IDH3A: variants seen among roughly 807,000 people sequenced by gnomAD.
IDH3A encodes isocitrate dehydrogenase (NAD(+)) 3 catalytic subunit alpha, also known as isocitrate dehydrogenase [NAD] subunit alpha, mitochondrial.
In IDH3A, 23 loss-of-function variants were observed where a neutral mutation model predicts 43.3. The ratio of observed to expected loss-of-function variants is 0.53; its 90% confidence interval spans 0.38 to 0.75. The LOEUF is 0.75. IDH3A is among the 30% of genes least tolerant of loss of function. The probability of loss-of-function intolerance (pLI) is 0.00; values close to 1 mark genes in which losing one functional copy is unlikely to be tolerated. For missense variants in IDH3A, 329 were observed against 474.4 expected, an observed-to-expected ratio of 0.69 and a Z score of 2.85; for synonymous variants, 154 against 163.5, an observed-to-expected ratio of 0.94 and a Z score of 0.44.
At position 78,149,362 on chromosome 15, in the gene IDH3A, ACTGCCG is replaced by A; in HGVS notation, c.-37_-32del. The A allele has an allele frequency of 6.6e-7, 1 of 1,515,228 alleles. No homozygotes were observed. Among genetic ancestry groups the A allele is most frequent in the Non-Finnish European group, 8.8e-7 (1 of 1,138,354 alleles). The allele number at this position is 1,515,228 out of a possible 1,614,324, so 93.9% of individuals were successfully genotyped here. ...CCGAGCGTGGGGTGGGCGCTTGCGCACTGCCGCTGCGGCTGTTGCTGCGGAGCCAGG... is the reference window on the plus strand; with the variant it reads ...CCGAGCGTGGGGTGGGCGCTTGCGCACTGCGGCTGTTGCTGCGGAGCCAGG... On this transcript the variant is annotated 5_prime_UTR_variant, in exon 1 of 11. Transcript: ENST00000299518.
chr15:78,156,991 T>C lies in IDH3A; in HGVS notation c.91-557T>C, dbSNP rs1281562998. The C allele has an allele frequency of 1.1e-5, 15 of 1,340,078 alleles. No individual in the cohort carries two copies. In the Admixed American group the frequency reaches 3.0e-4, roughly 27 times the overall value. 83.0% of individuals were successfully genotyped at this position (1,340,078 alleles called of 1,614,324 possible). On this transcript the variant is annotated intron_variant, in intron 2 of 10. Coordinates refer to ENST00000299518, the MANE Select transcript of IDH3A (RefSeq NM_005530.3). The stretch of plus-strand genomic sequence containing the variant: ...GGAACTAAGAAAAAAATGGAAGCTC[T>C]CTTGATAAAAAGTCTGATTTTCCCT...
chr15:78,165,451 A>G (rs1489770626), intron 9 of IDH3A, among the ~76,000 whole-genome samples: 1 of 151,968 alleles, frequency 6.6e-6, no homozygotes, highest in Non-Finnish European at 1.5e-5. Flanking sequence ...TTGGCCTCCC[A>G]AAGTTGCTGG....
Position 78,160,097 on chromosome 15 carries a change from T to A in IDH3A, c.180T>A (p.Pro60=). 6.3e-7 allele frequency: 1 copy of A among 1,598,618 alleles called. No individual in the cohort carries two copies. The highest frequency in any genetic ancestry group is 8.6e-7 in the Non-Finnish European group (1 of 1,165,912). Residue 60 remains proline, a synonymous_variant, in exon 4 of 11, where the codon CCT becomes CCA. Coordinates refer to ENST00000299518, the MANE Select transcript of IDH3A (RefSeq NM_005530.3). ...VMKIFDAAKA[P]IQWEERNVTA... ...CTCTGTGATGTGGCATCTAGGCACC[T>A]ATTCAGTGGGAGGAGCGGAACGTCA...
In IDH3A at chr15:78,168,985, C is replaced by T. The variant is rs141316392; in HGVS notation, c.1081C>T (p.Arg361Ter). 2.5e-6 allele frequency: 4 copies of T among 1,597,602 alleles called. No individual in the cohort carries two copies. The highest frequency in any genetic ancestry group is 2.6e-6 in the Non-Finnish European group (3 of 1,166,310). The change falls in exon 11 of 11, where the codon CGA (arginine) becomes TGA (stop). Residue 361 changes from arginine (R) to a stop codon, truncating the protein, a stop_gained. Transcript: ENST00000299518. LOFTEE classifies it high-confidence loss of function. ...AGACTTCACAGAGGAAATCTGTCGC[C>T]GAGTAAAAGATTTAGATTAACACTT... Reference protein sequence around the residue: ...CSDFTEEICRRVKDLD With the variant: ...CSDFTEEICR
chr15:78,160,021 A>G, intron 3 of IDH3A, 71 bp from the exon 4 acceptor site: 1 of 920,354 alleles, frequency 1.1e-6, no homozygotes, highest in Non-Finnish European at 1.8e-6. Context: ...AAGTTTGTTC[A>G]TCATTGCAGT....
At chr15:78,155,704 C>G (rs1191165774) in intron 2 of IDH3A, 1 of 165,278 alleles carries the variant, frequency 6.1e-6, no homozygotes, top group Non-Finnish European at 1.3e-5. Context: ...AGGAATGCCT[C>G]GAACATCTAT....
chr15:78,168,592 G>A (rs749292276), intron 10 of IDH3A: 13 of 182,468 alleles, frequency 7.1e-5, no homozygotes, highest in Admixed American at 6.8e-4. Context: ...ATTTAGATTC[G>A]CTTTTATTTA....
At chr15:78,155,408 G>C in intron 2 of IDH3A, 133 bp downstream of exon 2, 1 of 579,356 alleles carries the variant, frequency 1.7e-6, no homozygotes. Flanking sequence ...TATAATGTAT[G>C]TTGAAATTAC....
At chr15:78,158,448 C>CATACATATATATATATATATATAT (rs1555429600) in intron 3 of IDH3A, among the ~76,000 whole-genome samples, 2 of 28,214 alleles carry the variant, frequency 7.1e-5, no homozygotes, top group African/African-American at 3.1e-4. Flanking sequence ...TACATACATA[C>CATACATATATATATATATATATAT]ATATATATAT....
intron 8 of IDH3A, 53 bp downstream of exon 8, chr15:78,163,833 C>T: frequency 1.8e-6 from 2 of 1,120,598 alleles, no homozygotes; most frequent in South Asian, 2.5e-5. Context: ...TTATAAACAT[C>T]CTAAAATAAT....
In IDH3A at chr15:78,157,547, G is replaced by A; in HGVS notation, c.91-1G>A. 1 of 1,605,342 alleles carries A rather than the reference G, an allele frequency of 6.2e-7. No individual in the cohort carries two copies. Among genetic ancestry groups the A allele is most frequent in the Non-Finnish European group, 8.5e-7 (1 of 1,174,236 alleles). ...CTTCTTTGATGATTTCTTATGTTCA[G>A]GTTCAGACAGTAACTTTAATTCCAG... is the stretch of plus-strand genomic sequence containing the variant. On this transcript the variant is annotated splice_acceptor_variant, in intron 2 of 10. Coordinates refer to ENST00000299518, the MANE Select transcript of IDH3A (RefSeq NM_005530.3). LOFTEE classifies it high-confidence loss of function.
chr15:78,154,377 G>A (rs990522704), intron 1 of IDH3A: 1 of 151,990 alleles, frequency 6.6e-6, no homozygotes, highest in Non-Finnish European at 1.5e-5. Flanking sequence ...GGCATCAGAT[G>A]GTATTAAATA....
chr15:78,171,810 C>T lies in IDH3A; in HGVS notation c.*2805C>T, dbSNP rs2074826516. On this transcript the variant is annotated 3_prime_UTR_variant, in exon 11 of 11. Transcript: ENST00000299518. ...TTATAAAAGATCAGTTTCTTTTATACACATAGGAAAGTAGTGTAAGCTACA... is the reference window on the plus strand; with the variant it reads ...TTATAAAAGATCAGTTTCTTTTATATACATAGGAAAGTAGTGTAAGCTACA... 7.7e-6 allele frequency: 2 copies of T among 259,354 alleles called. No individual in the cohort carries two copies. The highest frequency in any genetic ancestry group is 1.5e-5 in the Non-Finnish European group (2 of 135,336). 16.1% of individuals were successfully genotyped at this position (259,354 alleles called of 1,614,324 possible). A position where few individuals can be genotyped will look rare whatever the true frequency, so the allele number is the denominator to read the frequency against.
rs753002239 is a variant in IDH3A at position 78,155,257 on chromosome 15, C to T, written c.72C>T (p.Thr24=). The T allele has an allele frequency of 3.7e-6, 6 of 1,612,498 alleles. No homozygotes were observed. The highest frequency in any genetic ancestry group is 5.1e-6 in the Non-Finnish European group (6 of 1,178,760). The stretch of plus-strand genomic sequence containing the variant: ...CATTCCACAACCCAAAACAGGTGAC[C>T]AGAGGTTTTACTGGTGGTGTGAGTA... ...LGAFHNPKQV[T]RGFTGGVQTV... is the part of the protein sequence containing the mutation. The change falls in exon 2 of 11, where the codon ACC becomes ACT. Residue 24 remains threonine (T), a synonymous_variant. Transcript: ENST00000299518.
chr15:78,167,356 G>A (rs1240144984), intron 10 of IDH3A: 1 of 152,204 alleles, frequency 6.6e-6, no homozygotes, highest in Non-Finnish European at 1.5e-5. Context: ...TTAACACGCA[G>A]TCTGGGCCTT....
In IDH3A at chr15:78,161,659, A is replaced by T; in HGVS notation, c.368A>T (p.Asn123Ile). Residue 123 changes from asparagine to isoleucine, a missense_variant, in exon 5 of 11, where the codon AAT (asparagine) becomes ATT (isoleucine). Asn to Ile is a moderately radical substitution (Grantham distance 149). Transcript: ENST00000299518. This position sits in a 1 kb window ranked among gnomAD's most constrained non-coding sequence, Gnocchi z 4.8. ...LLRKTFDLYANVRPCVSIEGY... is the reference protein window; with the variant it reads ...LLRKTFDLYAIVRPCVSIEGY... ...CGCAAAACATTTGACCTTTACGCGA[A>T]TGTCCGACCATGTGTCTCTATCGAA... 1 of 1,614,210 alleles carries T rather than the reference A, an allele frequency of 6.2e-7. No homozygotes were observed. Among genetic ancestry groups the T allele is most frequent in the Non-Finnish European group, 8.5e-7 (1 of 1,180,022 alleles).
Position 78,171,684 on chromosome 15 carries a change from C to T in IDH3A, c.*2679C>T, listed in dbSNP as rs1017502210. On this transcript the variant is annotated 3_prime_UTR_variant, in exon 11 of 11. Transcript: ENST00000299518. ...GCCAGCCTCCAAGACAGTGATCGCTCCTGGTATTCATATGGCTTGTGTGTA... is the reference window on the plus strand; with the variant it reads ...GCCAGCCTCCAAGACAGTGATCGCTTCTGGTATTCATATGGCTTGTGTGTA... The T allele has an allele frequency of 1.5e-5, 9 of 608,740 alleles. No individual in the cohort carries two copies. The African/African-American group carries it at 1.5e-4, about 10-fold the overall frequency. 37.7% of individuals were successfully genotyped at this position (608,740 alleles called of 1,614,324 possible).
intron 1 of IDH3A, among the ~76,000 whole-genome samples, chr15:78,154,064 C>CT (rs1042695124): frequency 2.6e-5 from 4 of 151,444 alleles, no homozygotes; most frequent in African/African-American, 9.7e-5. Context: ...TACCCAGTTT[C>CT]TTTTTTTATA....
intron 3 of IDH3A, 133 bp from the exon 4 acceptor site, chr15:78,159,959 C>T (rs1484580217): frequency 1.8e-5 from 11 of 622,074 alleles, no homozygotes; most frequent in African/African-American, 1.6e-4. Flanking sequence ...TGTGCCGCTG[C>T]ACTCTAGCCT....
Sources: gnomAD v4.1 joint callset for allele counts (sites outside exome capture counted in the v4.1 genomes callset) on GRCh38, gnomAD v4.1.1 for gene constraint, Gnocchi (gnomAD v3.1) non-coding constraint, MANE v1.5 for transcripts, NCBI Gene and HGNC (gene_info 2026-07-23, HGNC 2026-07-21) for gene names.